PSORS1C1: variants seen among roughly 807,000 people sequenced by gnomAD.
PSORS1C1 encodes the protein psoriasis susceptibility 1 candidate gene 1 protein.
In PSORS1C1, 7 loss-of-function variants were observed where a neutral mutation model predicts 9.4. That is an observed-to-expected ratio of 0.75 (90% CI 0.42 to 1.40). The LOEUF is 1.40. Ranked by LOEUF, PSORS1C1 falls within the 40% of genes most tolerant of loss-of-function variation. The probability of loss-of-function intolerance (pLI) is 0.01; values close to 1 mark genes in which losing one functional copy is unlikely to be tolerated. For missense variants in PSORS1C1, 146 were observed against 178.1 expected, an observed-to-expected ratio of 0.82 and a Z score of 1.02; for synonymous variants, 63 against 69.4, an observed-to-expected ratio of 0.91 and a Z score of 0.46.
intron 3 of PSORS1C1, among the ~76,000 whole-genome samples, chr6:31,133,016 A>T: frequency 6.7e-6 from 1 of 150,204 alleles, no homozygotes; most frequent in Non-Finnish European, 1.5e-5. Flanking sequence ...GGGGAGTGGG[A>T]GGGTGGTGGC....
intron 3 of PSORS1C1, among the ~76,000 whole-genome samples, chr6:31,132,930 G>A (rs1388146843): frequency 6.6e-6 from 1 of 151,854 alleles, no homozygotes; most frequent in Admixed American, 6.6e-5. Context: ...GTGGAACCAA[G>A]CTAAGTCTCA....
At chr6:31,131,058 A>G (rs1417290465) in intron 3 of PSORS1C1, among the ~76,000 whole-genome samples, 1 of 151,712 alleles carries the variant, frequency 6.6e-6, no homozygotes, top group East Asian at 1.9e-4. Context: ...CAGTTCTGAT[A>G]GAGGAGAGAG....
At position 31,116,063 on chromosome 6, in the gene PSORS1C1, C is replaced by G. The variant is rs760397250; in HGVS notation, c.-229+1172C>G. 5.6e-6 allele frequency: 9 copies of G among 1,612,114 alleles called. No individual in the cohort carries two copies. In the African/African-American group the frequency reaches 1.1e-4, roughly 19 times the overall value. ...AGTAACTCTCCTTGGGGTAGGAAAA[C>G]TTCAGGGTCAGCTAGCTGGGGCCCC... On this transcript the variant is annotated intron_variant, in intron 1 of 5. Coordinates refer to ENST00000259881, the MANE Select transcript of PSORS1C1 (RefSeq NM_014068.3).
chr6:31,137,022 C>T (rs1773169976), intron 3 of PSORS1C1, among the ~76,000 whole-genome samples: 1 of 151,978 alleles, frequency 6.6e-6, no homozygotes, highest in African/African-American at 2.4e-5. Context: ...GTGGTGCGCA[C>T]CTGTAATCCC....
At chr6:31,127,842 TG>T (rs11349600) in intron 2 of PSORS1C1, among the ~76,000 whole-genome samples, 36,762 of 151,692 alleles carry the variant, frequency 0.24, 4,764 homozygotes, top group Middle Eastern at 0.37. Flanking sequence ...CACACACGTT[TG>T]GGACCATCCC....
At chr6:31,117,230 A>T (rs1336701380) in intron 1 of PSORS1C1, 1 of 1,613,572 alleles carries the variant, frequency 6.2e-7, no homozygotes, top group Non-Finnish European at 8.5e-7. Flanking sequence ...GAGGAACCGG[A>T]TGCACCTTGT....
chr6:31,131,830 C>T lies in PSORS1C1; in HGVS notation c.13+2185C>T, dbSNP rs372739398. Among the ~76,000 whole-genome samples the T allele has an allele frequency of 6.1e-4, 93 of 152,298 alleles. No homozygotes were observed. The East Asian group carries it at 7.9e-3, about 13-fold the overall frequency. On this transcript the variant is annotated intron_variant, in intron 3 of 5. Transcript: ENST00000259881. ...AGCTGTAGAGCATTTACCAACAGTG[C>T]CCTATGGCACATGCGCAGTAGAAAG... is the stretch of plus-strand genomic sequence containing the variant.
At position 31,115,951 on chromosome 6, in the gene PSORS1C1, G is replaced by A. The variant is rs1772084138; in HGVS notation, c.-229+1060G>A. The A allele has an allele frequency of 2.2e-6, 3 of 1,355,574 alleles. No individual in the cohort carries two copies. Among genetic ancestry groups the A allele is most frequent in the Non-Finnish European group, 3.2e-6 (3 of 950,876 alleles). The allele number at this position is 1,355,574 out of a possible 1,614,324, so 84.0% of individuals were successfully genotyped here. A position where few individuals can be genotyped will look rare whatever the true frequency, so the allele number is the denominator to read the frequency against. ...GAGCTAACCCTATGCCTGGGCACTG[G>A]ACTTCTCCCATATGGGATATAGTGT... On this transcript the variant is annotated intron_variant, in intron 1 of 5. Transcript: ENST00000259881. The surrounding 1 kb of genome is among the most constrained non-coding windows in gnomAD (Gnocchi z 4.2).
In PSORS1C1 at chr6:31,136,596, G is replaced by A. The variant is rs73397061; in HGVS notation, c.14-1834G>A. Among the ~76,000 whole-genome samples, 348 of 152,178 alleles carry A rather than the reference G, an allele frequency of 2.3e-3. 2 individuals carry two copies. Among genetic ancestry groups the A allele is most frequent in the East Asian group, 7.9e-3 (41 of 5,172 alleles). On this transcript the variant is annotated intron_variant, in intron 3 of 5. Coordinates refer to ENST00000259881, the MANE Select transcript of PSORS1C1 (RefSeq NM_014068.3). ...GTCCTGCCGACACACCCCTGGGAAGGTTTGCATATACCACTAGGGGTATCC... is the reference window on the plus strand; with the variant it reads ...GTCCTGCCGACACACCCCTGGGAAGATTTGCATATACCACTAGGGGTATCC...
intron 1 of PSORS1C1, chr6:31,117,160 C>G (rs765690932): frequency 6.2e-7 from 1 of 1,606,258 alleles, no homozygotes; most frequent in South Asian, 1.1e-5. Flanking sequence ...CGAATGAGAG[C>G]TGCTGCTTCC....
Position 31,115,250 on chromosome 6 carries a change from A to G in PSORS1C1, c.-229+359A>G, listed in dbSNP as rs1772045068. ...CTCTCAGAGGAGACCCAGGACTCCA[A>G]GAAGGCAAAAAGTCTGCACCTAGTC... On this transcript the variant is annotated intron_variant, in intron 1 of 5. Transcript: ENST00000259881. The surrounding 1 kb of genome is among the most constrained non-coding windows in gnomAD (Gnocchi z 4.2). The G allele has an allele frequency of 4.1e-6, 1 of 243,730 alleles. No homozygotes were observed. The highest frequency in any genetic ancestry group is 8.1e-6 in the Non-Finnish European group (1 of 123,622). The allele number at this position is 243,730 out of a possible 1,614,324, so 15.1% of individuals were successfully genotyped here.
chr6:31,132,669 G>A (rs1406433552), intron 3 of PSORS1C1, among the ~76,000 whole-genome samples: 1 of 152,134 alleles, frequency 6.6e-6, no homozygotes, highest in African/African-American at 2.4e-5. Flanking sequence ...GGGCAACATG[G>A]CAAGACATCA....
chr6:31,123,298 T>C (rs1772544866), intron 1 of PSORS1C1, among the ~76,000 whole-genome samples: 1 of 152,232 alleles, frequency 6.6e-6, no homozygotes, highest in South Asian at 2.1e-4. Flanking sequence ...TAATCCGCCG[T>C]GCTTTTGGTT....
chr6:31,117,808 A>G (rs983102007), intron 1 of PSORS1C1: 12 of 467,220 alleles, frequency 2.6e-5, no homozygotes, highest in Middle Eastern at 6.2e-4. Context: ...TACATTGAAT[A>G]TAAGAGGGGG....
chr6:31,136,402 A>G (rs1359634507), intron 3 of PSORS1C1, among the ~76,000 whole-genome samples: 7 of 151,796 alleles, frequency 4.6e-5, no homozygotes, highest in Non-Finnish European at 1.0e-4. Context: ...AAAAAAAAAA[A>G]AAAGAAAAGA....
intron 3 of PSORS1C1, chr6:31,133,653 G>A (rs1387338679): frequency 6.6e-6 from 1 of 152,202 alleles, no homozygotes; most frequent in Non-Finnish European, 1.5e-5. Flanking sequence ...TATTACGTTG[G>A]CGCTCGCTCA....
intron 3 of PSORS1C1, among the ~76,000 whole-genome samples, chr6:31,135,170 A>G (rs1278166829): frequency 1.3e-5 from 2 of 152,196 alleles, no homozygotes; most frequent in African/African-American, 2.4e-5. Flanking sequence ...ATAGCATTCC[A>G]AAGGGTATGC....
intron 4 of PSORS1C1, 62 bp from the exon 5 acceptor site, chr6:31,138,594 C>A: frequency 6.2e-7 from 1 of 1,611,250 alleles, no homozygotes; most frequent in South Asian, 1.1e-5. Flanking sequence ...GGTTGGGGTA[C>A]CCCACTAGCT....
chr6:31,119,737 A>G (rs1428590485), intron 1 of PSORS1C1, among the ~76,000 whole-genome samples: 1 of 130,140 alleles, frequency 7.7e-6, no homozygotes, highest in Non-Finnish European at 1.8e-5. Flanking sequence ...GTTTCTACTA[A>G]AAATACAAAA....
Sources: allele counts gnomAD v4.1 joint callset (sites outside exome capture counted in the v4.1 genomes callset), GRCh38; gene constraint gnomAD v4.1.1; non-coding constraint Gnocchi (gnomAD v3.1); transcripts MANE v1.5; gene names NCBI Gene and HGNC (gene_info 2026-07-23, HGNC 2026-07-21).